Variants in MGAT1 observed in about 807,000 individuals in gnomAD.
MGAT1 encodes alpha-1,3-mannosyl-glycoprotein 2-beta-N-acetylglucosaminyltransferase.
MGAT1 carries 14 observed loss-of-function variants against 31.7 expected under a neutral mutation model. The ratio of observed to expected loss-of-function variants is 0.44; its 90% CI spans 0.29 to 0.69. The LOEUF is 0.69. MGAT1 is among the 30% of genes least tolerant of loss of function. MGAT1 has a pLI of 0.12. For synonymous variants in MGAT1, 338 were observed against 276.0 expected (o/e 1.22, Z -2.23); for missense variants, 557 against 626.0 (o/e 0.89, Z 1.18).
intron 1 of MGAT1, among the ~76,000 whole-genome samples, chr5:180,812,310 A>C (rs1772626881): frequency 6.6e-6 from 1 of 152,244 alleles, no homozygotes. Context: ...ACATAGGTAT[A>C]AGCACAGTAT....
intron 1 of MGAT1, among the ~76,000 whole-genome samples, chr5:180,814,640 G>A (rs646806): frequency 0.3 from 46,252 of 152,018 alleles, 8,095 homozygotes; most frequent in African/African-American, 0.48. Context: ...TATTGCTTAT[G>A]ACAGAATATC....
chr5:180,797,452 A>G (rs1158906300), intron 1 of MGAT1, among the ~76,000 whole-genome samples: 1 of 147,218 alleles, frequency 6.8e-6, no homozygotes, highest in East Asian at 2.1e-4. Flanking sequence ...CCAGAGGGAT[A>G]GCCCGTCCCT....
intron 1 of MGAT1, among the ~76,000 whole-genome samples, chr5:180,798,219 A>G (rs1769921860): frequency 6.6e-6 from 1 of 152,136 alleles, no homozygotes; most frequent in Non-Finnish European, 1.5e-5. Context: ...GACAACGTAA[A>G]TATCGGCCGT....
chr5:180,805,567 T>C (rs1430774303), upstream of MGAT1, among the ~76,000 whole-genome samples: 1 of 152,064 alleles, frequency 6.6e-6, no homozygotes, highest in Non-Finnish European at 1.5e-5. Flanking sequence ...CTGGCCAACA[T>C]AGTGAAACAT....
chr5:180,794,409 T>A (rs888375103), intron 1 of MGAT1, among the ~76,000 whole-genome samples: 2 of 120,782 alleles, frequency 1.7e-5, no homozygotes, highest in African/African-American at 3.5e-5. Flanking sequence ...AATTTTTTTT[T>A]ATTATATATA....
intron 1 of MGAT1, chr5:180,810,233 C>G (rs1313773483): frequency 6.6e-6 from 1 of 152,014 alleles, no homozygotes; most frequent in Non-Finnish European, 1.5e-5. Flanking sequence ...GGAAGTGGGC[C>G]CCGGCAACGC....
At chr5:180,811,366 T>C (rs974213738) in intron 1 of MGAT1, 5 of 152,184 alleles carry the variant, frequency 3.3e-5, no homozygotes, top group Non-Finnish European at 7.3e-5. Flanking sequence ...AAGGGAAAAA[T>C]ACATATTGCT....
intron 1 of MGAT1, 83 bp from the exon 2 acceptor site, chr5:180,793,180 A>C (rs1231475868): frequency 1.6e-6 from 1 of 634,836 alleles, no homozygotes; most frequent in African/African-American, 1.8e-5. Context: ...GGGGGCAGGA[A>C]AAGGCCAAGA....
chr5:180,806,882 A>G (rs1771953203), upstream of MGAT1, among the ~76,000 whole-genome samples: 1 of 152,342 alleles, frequency 6.6e-6, no homozygotes, highest in South Asian at 2.1e-4. Flanking sequence ...GTGTCTAAGC[A>G]AAGACTGGCA....
At chr5:180,797,844 T>TCTTCACAG (rs1554130666) in intron 1 of MGAT1, among the ~76,000 whole-genome samples, 1 of 117,712 alleles carries the variant, frequency 8.5e-6, no homozygotes, top group Non-Finnish European at 1.9e-5. Flanking sequence ...CCCACCTCCT[T>TCTTCACAG]AGGCTCAGCC....
In MGAT1 at chr5:180,793,087, C is replaced by G; in HGVS notation, c.-116G>C. The stretch of plus-strand genomic sequence containing the variant: ...TCCTCTGGACTATGGGATTAGGAGG[C>G]AGCCATGCACCTAAAGACAGGAGAG... On this transcript the variant is annotated 5_prime_UTR_variant, in exon 2 of 2. Coordinates refer to ENST00000307826, the MANE Select transcript of MGAT1 (RefSeq NM_002406.4). The G allele has an allele frequency of 1.6e-6, 2 of 1,238,688 alleles. No individual in the cohort carries two copies. The highest frequency in any genetic ancestry group is 2.2e-6 in the Non-Finnish European group (2 of 899,906). The allele number at this position is 1,238,688 out of a possible 1,614,324, so 76.7% of individuals were successfully genotyped here.
chr5:180,797,406 CAAA>C lies in MGAT1; in HGVS notation c.-126-4312_-126-4310del, dbSNP rs929442972. Among the ~76,000 whole-genome samples, 235 of 52,264 alleles carry C rather than the reference CAAA, an allele frequency of 4.5e-3. 1 individual carries two copies. The highest frequency in any genetic ancestry group is 0.015 in the African/African-American group (208 of 13,588). 34.3% of individuals were successfully genotyped at this position (52,264 alleles called of 152,430 possible). On this transcript the variant is annotated intron_variant, in intron 1 of 1. Coordinates refer to ENST00000307826, the MANE Select transcript of MGAT1 (RefSeq NM_002406.4). ...GATGAAGCAAGACTCCATCCCCCAC[CAAA>C]AAAAAAAAAAAAAAAAAAAAGGGGG...
chr5:180,800,186 G>A (rs1770424754), intron 1 of MGAT1, among the ~76,000 whole-genome samples: 1 of 152,178 alleles, frequency 6.6e-6, no homozygotes, highest in Admixed American at 6.5e-5. Flanking sequence ...TGACAAGCAG[G>A]GCAAGTGCCC....
At chr5:180,804,544 G>A (rs1771574118), upstream of MGAT1, among the ~76,000 whole-genome samples, 1 of 152,354 alleles carries the variant, frequency 6.6e-6, no homozygotes, top group Admixed American at 6.5e-5. Context: ...TCGAACCCAG[G>A]CGGATATGCC....
chr5:180,791,627 G>C lies in MGAT1; in HGVS notation c.*7C>G, dbSNP rs1273804994. ...GCAAGGAGGGGCCCAGGAAGGACAG[G>C]CAGGTGCTAATTCCAGCTAGGATCA... On this transcript the variant is annotated 3_prime_UTR_variant, in exon 2 of 2. Transcript: ENST00000307826. 1.2e-6 allele frequency: 2 copies of C among 1,612,052 alleles called. No homozygotes were observed. The highest frequency in any genetic ancestry group is 1.7e-6 in the Non-Finnish European group (2 of 1,179,228).
Position 180,791,638 on chromosome 5 carries a change from T to C in MGAT1, c.1334A>G (p.Asn445Ser). The C allele has an allele frequency of 1.2e-6, 2 of 1,613,066 alleles. No homozygotes were observed. Among genetic ancestry groups the C allele is most frequent in the Non-Finnish European group, 1.7e-6 (2 of 1,179,748 alleles). ...LTWEGYDPSW[N>S] ...CCCAGGAAGGACAGGCAGGTGCTAA[T>C]TCCAGCTAGGATCATAGCCCTCCCA... Residue 445 changes from asparagine to serine, a missense_variant, in exon 2 of 2, where the codon AAT (asparagine) becomes AGT (serine). Transcript: ENST00000307826.
rs949613734 is a variant in MGAT1 at position 180,787,594 on chromosome 5, G to A, written c.*4040C>T. Reference sequence around the variant, plus strand: ...ATACACCACCCACGCGTAAACACACGTTAAGGGAGCGTGTGCAGTATGTTG... The same window carrying A: ...ATACACCACCCACGCGTAAACACACATTAAGGGAGCGTGTGCAGTATGTTG... On this transcript the variant is annotated 3_prime_UTR_variant, in exon 2 of 2. Coordinates refer to ENST00000307826, the MANE Select transcript of MGAT1 (RefSeq NM_002406.4). 3.9e-5 allele frequency: 6 copies of A among 152,256 alleles called. No homozygotes were observed. Among genetic ancestry groups the A allele is most frequent in the East Asian group, 1.9e-4 (1 of 5,204 alleles). The allele number at this position is 152,256 out of a possible 1,614,324, so 9.4% of individuals were successfully genotyped here. A position where few individuals can be genotyped will look rare whatever the true frequency, so the allele number is the denominator to read the frequency against.
chr5:180,791,332 C>T lies in MGAT1; in HGVS notation c.*302G>A. ...CGTTGCCAAACTCTCTGCACATGCTCCAGGAGAAAGCTCAGGACGTGGACA... is the reference window on the plus strand; with the variant it reads ...CGTTGCCAAACTCTCTGCACATGCTTCAGGAGAAAGCTCAGGACGTGGACA... On this transcript the variant is annotated 3_prime_UTR_variant, in exon 2 of 2. Coordinates refer to ENST00000307826, the MANE Select transcript of MGAT1 (RefSeq NM_002406.4). The T allele has an allele frequency of 4.2e-6, 2 of 473,002 alleles. No homozygotes were observed. The highest frequency in any genetic ancestry group is 7.6e-6 in the Non-Finnish European group (2 of 263,902). The allele number at this position is 473,002 out of a possible 1,614,324, so 29.3% of individuals were successfully genotyped here. A position where few individuals can be genotyped will look rare whatever the true frequency, so the allele number is the denominator to read the frequency against.
At chr5:180,811,452 C>T (rs924728174) in intron 1 of MGAT1, 2 of 152,228 alleles carry the variant, frequency 1.3e-5, no homozygotes, top group East Asian at 1.9e-4. Context: ...TTCAAACCTT[C>T]TCCGCCCACC....
Sources: allele counts gnomAD v4.1 joint callset (sites outside exome capture counted in the v4.1 genomes callset), GRCh38; gene constraint gnomAD v4.1.1; transcripts MANE v1.5; gene names NCBI Gene and HGNC (gene_info 2026-07-23, HGNC 2026-07-21).